Variants in CUL9 observed in about 807,000 individuals in gnomAD.
CUL9 encodes the protein cullin 9.
In CUL9, 79 loss-of-function variants were observed where a neutral mutation model predicts 272.6. That is an observed-to-expected ratio of 0.29 (90% CI 0.24 to 0.35). The LOEUF (loss-of-function observed/expected upper bound fraction) is 0.35. Ranked by LOEUF, CUL9 falls within the 10% of genes least tolerant of loss-of-function variation. The pLI is 1.00. For missense variants in CUL9, 2,532 were observed against 3,255.6 expected (o/e 0.78, Z 5.41); for synonymous variants, 1,186 against 1,286.5 (o/e 0.92, Z 1.67).
rs758782087 is a variant in CUL9, at chr6:43,200,873, G to A, written c.3647+39G>A. The A allele has an allele frequency of 7.5e-6, 12 of 1,609,606 alleles. No homozygotes were observed. The South Asian group carries it at 1.2e-4, about 16-fold the overall frequency. Reference sequence around the variant, plus strand: ...TATATGAATGTTCTGCTGTGCCCCAGGATACTTCCCCAAAGCACCCAGATA... The same window carrying A: ...TATATGAATGTTCTGCTGTGCCCCAAGATACTTCCCCAAAGCACCCAGATA... On this transcript the variant is annotated intron_variant, in intron 16 of 40. Coordinates refer to ENST00000252050, the MANE Select transcript of CUL9 (RefSeq NM_015089.4). The surrounding 1 kb of genome is among the most constrained non-coding windows in gnomAD (Gnocchi z 4.0).
At position 43,206,096 on chromosome 6, in the gene CUL9, G is replaced by T; in HGVS notation, c.4883G>T (p.Arg1628Leu). ...CAGATTGGCCTCTGTTTTCCCAACC[G>T]CCTCCCACAGCTGATGCTGCAGAGC... ...LEQIGLCFPN[R>L]LPQLMLQSLS... The change falls in exon 25 of 41, where the codon CGC becomes CTC. Residue 1628 changes from arginine (R) to leucine (L), a missense_variant. By Grantham distance (102) the Arg-to-Leu change is moderately radical (BLOSUM62 -2). Around this residue, in one of 3 missense-constraint regions of CUL9, gnomAD observed 2,218 missense variants for 2,788.6 expected, o/e 0.80. Coordinates refer to ENST00000252050, the MANE Select transcript of CUL9 (RefSeq NM_015089.4). The surrounding 1 kb of genome is among the most constrained non-coding windows in gnomAD (Gnocchi z 4.8). The T allele has an allele frequency of 6.2e-7, 1 of 1,614,164 alleles. No homozygotes were observed. Among genetic ancestry groups the T allele is most frequent in the South Asian group, 1.1e-5 (1 of 91,080 alleles).
In CUL9 at chr6:43,214,006, T is replaced by C. The variant is rs1775735435; in HGVS notation, c.5688+94T>C. On this transcript the variant is annotated intron_variant, in intron 29 of 40. Transcript: ENST00000252050. ...GTGAACTCTTTCAATATAAGACTTC[T>C]GTAGGGTGACATTTCCATCTGGGTT... 4.0e-6 allele frequency: 5 copies of C among 1,252,924 alleles called. No homozygotes were observed. In the South Asian group the frequency reaches 5.1e-5, roughly 13 times the overall value. 77.6% of individuals were successfully genotyped at this position (1,252,924 alleles called of 1,614,324 possible). A position where few individuals can be genotyped will look rare whatever the true frequency, so the allele number is the denominator to read the frequency against.
At position 43,220,781 on chromosome 6, in the gene CUL9, G is replaced by A. The variant is rs1776301227; in HGVS notation, c.6458G>A (p.Ser2153Asn). The change falls in exon 33 of 41, where the codon AGC becomes AAC. Residue 2153 changes from serine (S) to asparagine (N), a missense_variant. By Grantham distance (46) the Ser-to-Asn change is conservative. Around this residue, in one of 3 missense-constraint regions of CUL9, gnomAD observed 2,218 missense variants for 2,788.6 expected, o/e 0.80. Coordinates refer to ENST00000252050, the MANE Select transcript of CUL9 (RefSeq NM_015089.4). This position sits in a 1 kb window ranked among gnomAD's most constrained non-coding sequence, Gnocchi z 4.9. ...GCGCTCCTGCGTGGCTATGTGGAGA[G>A]CTGCTCCAACCTGACCTGGTGCACC... ...EKALLRGYVE[S>N]CSNLTWCTNP... The A allele has an allele frequency of 7.4e-6, 12 of 1,613,270 alleles. No individual in the cohort carries two copies. The highest frequency in any genetic ancestry group is 1.0e-5 in the Non-Finnish European group (12 of 1,179,998).
In CUL9 at chr6:43,185,503, G is replaced by T; in HGVS notation, c.643G>T (p.Glu215Ter). 1 of 1,613,996 alleles carries T rather than the reference G, an allele frequency of 6.2e-7. No individual in the cohort carries two copies. Among genetic ancestry groups the T allele is most frequent in the Non-Finnish European group, 8.5e-7 (1 of 1,180,026 alleles). The change falls in exon 3 of 41, where the codon GAG (glutamate) becomes TAG (stop). Residue 215 changes from glutamate (E) to a stop codon, truncating the protein, a stop_gained. Transcript: ENST00000252050. LOFTEE classifies it high-confidence loss of function. ...LLSLSQQDGI[E>*]QHMDFDSRYT... is the part of the protein sequence containing the mutation. ...ATCACTGAGCCAGCAAGATGGCATC[G>T]AGCAGCACATGGATTTTGACAGTCG...
At chr6:43,214,138 A>C (rs1461508315) in intron 29 of CUL9, among the ~76,000 whole-genome samples, 1 of 152,240 alleles carries the variant, frequency 6.6e-6, no homozygotes, top group African/African-American at 2.4e-5. Context: ...CATTTAATCC[A>C]GCCAGGTACA....
At chr6:43,204,583 G>C (rs1187206203) in intron 21 of CUL9, 44 bp downstream of exon 21, 1 of 1,610,078 alleles carries the variant, frequency 6.2e-7, no homozygotes, top group South Asian at 1.1e-5. Context: ...TGCGGACAGT[G>C]GTGTATCTGG....
intron 8 of CUL9, among the ~76,000 whole-genome samples, chr6:43,191,481 ATTTTTTTTTTTTTTTTTTTT>A (rs34090146): frequency 1.6e-4 from 16 of 97,480 alleles, no homozygotes; most frequent in African/African-American, 5.6e-4. Flanking sequence ...CACCCAGCTA[ATTTTTTTTTTTTTTTTTTTT>A]TTTTACTTTT....
intron 3 of CUL9, 142 bp downstream of exon 3, chr6:43,185,752 C>A: frequency 8.4e-7 from 1 of 1,189,164 alleles, no homozygotes; most frequent in Non-Finnish European, 1.1e-6. Flanking sequence ...CCCAGCCCCT[C>A]TCCATTCAGA....
Position 43,206,183 on chromosome 6 carries a change from AGTT to A in CUL9, c.4974_4976del (p.Leu1658del). On this transcript the variant is annotated inframe_deletion, in exon 25 of 41. Transcript: ENST00000252050. This position sits in a 1 kb window ranked among gnomAD's most constrained non-coding sequence, Gnocchi z 4.8. ...CTCTTCCAGCTCCAGCGGCTCGACA[AGTT>A]GTTCTTGGAGCAGGAAGATGAGGAG... The A allele has an allele frequency of 1.2e-6, 2 of 1,613,458 alleles. No homozygotes were observed. Among genetic ancestry groups the A allele is most frequent in the Non-Finnish European group, 1.7e-6 (2 of 1,179,760 alleles).
Position 43,187,273 on chromosome 6 carries a change from T to C in CUL9, c.1415T>C (p.Met472Thr), listed in dbSNP as rs368631463. The change falls in exon 6 of 41, where the codon ATG becomes ACG. Residue 472 changes from methionine to threonine, a missense_variant. By Grantham distance (81) the Met-to-Thr change is moderately conservative. Around this residue, in one of 3 missense-constraint regions of CUL9, gnomAD observed 2,218 missense variants for 2,788.6 expected, o/e 0.80. Coordinates refer to ENST00000252050, the MANE Select transcript of CUL9 (RefSeq NM_015089.4). ...TTTCCCTCCTGGGACTGGAATCCTA[T>C]GGATGGGCTGTACCCTTTGCCGTAC... ...TAFPSWDWNP[M>T]DGLYPLPYLQ... The C allele has an allele frequency of 1.6e-4, 266 of 1,613,870 alleles. No individual in the cohort carries two copies. The highest frequency in any genetic ancestry group is 3.3e-4 in the Middle Eastern group (2 of 6,032).
chr6:43,211,384 C>G (rs967899363), intron 26 of CUL9, among the ~76,000 whole-genome samples: 2 of 152,092 alleles, frequency 1.3e-5, no homozygotes, highest in Non-Finnish European at 2.9e-5. Context: ...ATGGCGAAAC[C>G]CTGTCTCTAC....
rs1775228559 is a variant in CUL9, at chr6:43,208,704, T to G, written c.5212+2194T>G. Among the ~76,000 whole-genome samples, 4 of 152,250 alleles carry G rather than the reference T, an allele frequency of 2.6e-5. No homozygotes were observed. In the South Asian group the frequency reaches 8.3e-4, roughly 32 times the overall value. On this transcript the variant is annotated intron_variant, in intron 26 of 40. Coordinates refer to ENST00000252050, the MANE Select transcript of CUL9 (RefSeq NM_015089.4). ...TTCTTTGGTTACTGGCTTTCCAGTT[T>G]ATATTTTTCTATCTTTAGCTTTTTG... is the stretch of plus-strand genomic sequence containing the variant.
chr6:43,184,860 C>G lies in CUL9; in HGVS notation c.550C>G (p.Arg184Gly), dbSNP rs772080051. ...MLCNPEPQIR[R>G]SAGKMLQALA... ...ATGCAATCCTGAGCCTCAGATCCGC[C>G]GGAGTGCAGGCAAAATGCTGCAGGC... is the stretch of plus-strand genomic sequence containing the variant. The change falls in exon 2 of 41, where the codon CGG becomes GGG. Residue 184 changes from arginine (R) to glycine (G), a missense_variant. Transcript: ENST00000252050. This position sits in a 1 kb window ranked among gnomAD's most constrained non-coding sequence, Gnocchi z 4.8. 1 of 1,604,338 alleles carries G rather than the reference C, an allele frequency of 6.2e-7. No individual in the cohort carries two copies.
intron 11 of CUL9, among the ~76,000 whole-genome samples, chr6:43,197,775 C>T (rs1774150062): frequency 6.6e-6 from 1 of 152,208 alleles, no homozygotes; most frequent in African/African-American, 2.4e-5. Flanking sequence ...AGCCACTGTG[C>T]CTGGCCTAAG....
In CUL9 at chr6:43,184,801, A is replaced by G. The variant is rs534882851; in HGVS notation, c.491A>G (p.Glu164Gly). 5.0e-6 allele frequency: 8 copies of G among 1,613,818 alleles called. No homozygotes were observed. The African/African-American group carries it at 9.3e-5, about 19-fold the overall frequency. Residue 164 changes from glutamate to glycine, a missense_variant, in exon 2 of 41, where the codon GAG becomes GGG. By Grantham distance (98) the Glu-to-Gly change is moderately conservative. Coordinates refer to ENST00000252050, the MANE Select transcript of CUL9 (RefSeq NM_015089.4). The surrounding 1 kb of genome is among the most constrained non-coding windows in gnomAD (Gnocchi z 4.8). Reference sequence around the variant, plus strand: ...GGGCCCCTCACTGGTGTCTTCAGGGAGACAGGAGCCCTGGACCTGCTCATG... The same window carrying G: ...GGGCCCCTCACTGGTGTCTTCAGGGGGACAGGAGCCCTGGACCTGCTCATG... ...SIGPLTGVFR[E>G]TGALDLLMHM...
rs1241339956 is a variant in CUL9, at chr6:43,224,439, T to C, written c.7548T>C (p.Tyr2516=). 6.2e-7 allele frequency: 1 copy of C among 1,613,176 alleles called. No individual in the cohort carries two copies. Among genetic ancestry groups the C allele is most frequent in the Admixed American group, 1.7e-5 (1 of 59,994 alleles). The change falls in exon 41 of 41, where the codon TAT becomes TAC. Residue 2516 remains tyrosine, a synonymous_variant. Transcript: ENST00000252050. This position sits in a 1 kb window ranked among gnomAD's most constrained non-coding sequence, Gnocchi z 4.2. ...GDEEEDEDEA[Y]D ...AGGAAGAGGATGAAGATGAGGCCTA[T>C]GACTGAGGGGGCAGATGCAGGAAAC...
chr6:43,222,054 A>G (rs924283101), intron 35 of CUL9: 5 of 596,542 alleles, frequency 8.4e-6, no homozygotes, highest in African/African-American at 7.4e-5. Context: ...AGGGCAGAGC[A>G]GGAAAGAGCA....
intron 31 of CUL9, among the ~76,000 whole-genome samples, chr6:43,216,790 C>T (rs1775979144): frequency 6.6e-6 from 1 of 152,182 alleles, no homozygotes; most frequent in African/African-American, 2.4e-5. Context: ...AATGCCCAGA[C>T]GATACCTCAG....
intron 16 of CUL9, among the ~76,000 whole-genome samples, chr6:43,201,681 G>T (rs530614758): frequency 6.6e-6 from 1 of 152,054 alleles, no homozygotes; most frequent in Non-Finnish European, 1.5e-5. Context: ...GGGTTTCACC[G>T]TGTTAGTCAG....
Sources: allele counts gnomAD v4.1 joint callset (sites outside exome capture counted in the v4.1 genomes callset), GRCh38; gene constraint gnomAD v4.1.1; regional missense constraint gnomAD v4.1.1; non-coding constraint Gnocchi (gnomAD v3.1); transcripts MANE v1.5; gene names NCBI Gene and HGNC (gene_info 2026-07-23, HGNC 2026-07-21).